Variants in ARL13B observed in about 807,000 individuals in gnomAD.
ARL13B encodes ADP-ribosylation factor-like protein 13B.
Under a neutral mutation model 56.1 loss-of-function variants are expected in ARL13B, and 36 were observed. The ratio of observed to expected loss-of-function variants is 0.64; its 90% CI spans 0.49 to 0.85. The LOEUF is 0.85. Among genes scored for constraint, ARL13B ranks in the 40% least tolerant of loss-of-function variants. The pLI, the probability that ARL13B is intolerant of heterozygous loss-of-function variation, is 0.00. For synonymous variants in ARL13B, 178 were observed against 171.1 expected, an observed-to-expected ratio of 1.04 and a Z score of -0.32; for missense variants, 519 against 507.1, an observed-to-expected ratio of 1.02 and a Z score of -0.23.
chr3:94,008,794 C>T (rs1480941108), intron 3 of ARL13B, among the ~76,000 whole-genome samples: 2 of 152,082 alleles, frequency 1.3e-5, no homozygotes, highest in African/African-American at 4.8e-5. Context: ...GGTAACAATT[C>T]TATTTGTATT....
intron 7 of ARL13B, chr3:94,047,922 T>C (rs771068090): frequency 3.9e-5 from 6 of 152,178 alleles, no homozygotes; most frequent in Non-Finnish European, 8.8e-5. Flanking sequence ...TTGTATTTTT[T>C]ATTGCTTTTT....
At chr3:93,987,712 G>C (rs1710536464) in intron 1 of ARL13B, among the ~76,000 whole-genome samples, 1 of 152,092 alleles carries the variant, frequency 6.6e-6, no homozygotes, top group South Asian at 2.1e-4. Context: ...GCAGAGGAGT[G>C]ATCACGGCTC....
At chr3:94,044,569 C>T (rs112231024) in intron 7 of ARL13B, among the ~76,000 whole-genome samples, 16 of 141,146 alleles carry the variant, frequency 1.1e-4, no homozygotes, top group Non-Finnish European at 2.0e-4. Context: ...TCTGCCTGGC[C>T]GCCACCGCAT....
chr3:94,000,084 G>C (rs960861967), intron 2 of ARL13B, among the ~76,000 whole-genome samples: 7 of 152,160 alleles, frequency 4.6e-5, no homozygotes, highest in African/African-American at 1.7e-4. Context: ...CATCATTTTA[G>C]TTCACATCAT....
At chr3:93,981,886 A>AAAG (rs1196059318) in intron 1 of ARL13B, among the ~76,000 whole-genome samples, 1 of 147,304 alleles carries the variant, frequency 6.8e-6, no homozygotes, top group African/African-American at 2.6e-5. Flanking sequence ...AAAAAAAAAA[A>AAAG]AAAGAAAAAA....
Position 94,055,486 on chromosome 3 carries a change from A to G in ARL13B, c.*2223A>G, listed in dbSNP as rs752760421. ...AGAATTTGTGATTTTAAATGCAGCTACAAATAGCATTTCACCATATGATGT... is the reference window on the plus strand; with the variant it reads ...AGAATTTGTGATTTTAAATGCAGCTGCAAATAGCATTTCACCATATGATGT... On this transcript the variant is annotated 3_prime_UTR_variant, in exon 10 of 10. Coordinates refer to ENST00000394222, the MANE Select transcript of ARL13B (RefSeq NM_001174150.2). 8.2e-5 allele frequency: 37 copies of G among 453,958 alleles called. No homozygotes were observed. The highest frequency in any genetic ancestry group is 5.7e-4 in the South Asian group (37 of 64,464). The allele number at this position is 453,958 out of a possible 1,614,324, so 28.1% of individuals were successfully genotyped here. A position where few individuals can be genotyped will look rare whatever the true frequency, so the allele number is the denominator to read the frequency against.
intron 7 of ARL13B, among the ~76,000 whole-genome samples, chr3:94,046,373 A>T (rs1193237330): frequency 7.0e-6 from 1 of 142,220 alleles, no homozygotes; most frequent in Non-Finnish European, 1.5e-5. Flanking sequence ...ATATTCCTTT[A>T]TATTTATATA....
intron 7 of ARL13B, among the ~76,000 whole-genome samples, chr3:94,044,562 G>A (rs1486705764): frequency 3.5e-5 from 5 of 141,824 alleles, no homozygotes; most frequent in Non-Finnish European, 6.1e-5. Context: ...GAGCGCCTCT[G>A]CCTGGCCGCC....
intron 9 of ARL13B, 35 bp from the exon 10 acceptor site, chr3:94,053,152 C>G: frequency 1.3e-6 from 2 of 1,545,092 alleles, no homozygotes; most frequent in Non-Finnish European, 1.8e-6. Flanking sequence ...TGTACCATAA[C>G]TGTTTTGTGC....
chr3:94,010,527 C>T (rs2076205986), intron 3 of ARL13B, among the ~76,000 whole-genome samples: 1 of 151,848 alleles, frequency 6.6e-6, no homozygotes, highest in African/African-American at 2.4e-5. Context: ...CAATATTTTG[C>T]CTTCGCCTCT....
intron 3 of ARL13B, among the ~76,000 whole-genome samples, chr3:94,021,761 T>C (rs2076452855): frequency 6.6e-6 from 1 of 152,236 alleles, no homozygotes; most frequent in African/African-American, 2.4e-5. Flanking sequence ...TATGACTCCC[T>C]AATCTATAAG....
At chr3:94,038,860 C>G (rs1407647371) in intron 5 of ARL13B, among the ~76,000 whole-genome samples, 1 of 151,986 alleles carries the variant, frequency 6.6e-6, no homozygotes, top group African/African-American at 2.4e-5. Context: ...ATGTATGGAA[C>G]AACATTACTA....
At chr3:94,009,422 C>G (rs1175238884) in intron 3 of ARL13B, among the ~76,000 whole-genome samples, 1 of 151,730 alleles carries the variant, frequency 6.6e-6, no homozygotes, top group Non-Finnish European at 1.5e-5. Context: ...TTCTTTTAGT[C>G]ATATTCCGTA....
chr3:93,990,845 T>A (rs1258616665), intron 1 of ARL13B, among the ~76,000 whole-genome samples: 1 of 152,232 alleles, frequency 6.6e-6, no homozygotes, highest in Admixed American at 6.5e-5. Context: ...ATCTTCCTTC[T>A]GTTTTTACCT....
chr3:94,027,023 A>G (rs1211387621), intron 3 of ARL13B, among the ~76,000 whole-genome samples: 1 of 152,162 alleles, frequency 6.6e-6, no homozygotes, highest in African/African-American at 2.4e-5. Context: ...ATTACCTTGT[A>G]CTTTTAGAAA....
chr3:93,996,036 G>C, intron 2 of ARL13B, 92 bp downstream of exon 2: 1 of 1,286,324 alleles, frequency 7.8e-7, no homozygotes, highest in South Asian at 1.3e-5. Flanking sequence ...TATTAATTTG[G>C]TACAGATACT....
intron 2 of ARL13B, chr3:93,996,702 C>A: frequency 2.4e-6 from 1 of 409,584 alleles, no homozygotes; most frequent in Non-Finnish European, 5.0e-6. Flanking sequence ...TAATTTAATG[C>A]TTTGTGCTAC....
chr3:94,037,389 G>A (rs528565986), intron 5 of ARL13B, among the ~76,000 whole-genome samples: 6 of 152,106 alleles, frequency 3.9e-5, no homozygotes, highest in Non-Finnish European at 7.4e-5. Context: ...ACTACCCTTG[G>A]TGACCCATTA....
In ARL13B at chr3:93,981,865, C is replaced by CAA. The variant is rs11396818; in HGVS notation, c.59+1406_59+1407dup. 7.5e-3 allele frequency among the ~76,000 whole-genome samples: 509 copies of CAA among 67,874 alleles called. 3 individuals carry two copies. Among genetic ancestry groups the CAA allele is most frequent in the East Asian group, 0.012 (25 of 2,124 alleles). 44.5% of individuals were successfully genotyped at this position (67,874 alleles called of 152,430 possible). On this transcript the variant is annotated intron_variant, in intron 1 of 9. Coordinates refer to ENST00000394222, the MANE Select transcript of ARL13B (RefSeq NM_001174150.2). ...TGAGTGACACAGTGCAACCCTGTCTCAAAAAAAAAAAAAAAAAAAAAAAAG... is the reference window on the plus strand; with the variant it reads ...TGAGTGACACAGTGCAACCCTGTCTCAAAAAAAAAAAAAAAAAAAAAAAAAAG...
Sources: allele counts gnomAD v4.1 joint callset (sites outside exome capture counted in the v4.1 genomes callset), GRCh38; gene constraint gnomAD v4.1.1; transcripts MANE v1.5; gene names NCBI Gene and HGNC (gene_info 2026-07-23, HGNC 2026-07-21).